NLGN4Y: variants seen among roughly 807,000 people sequenced by gnomAD.
NLGN4Y encodes neuroligin-4, Y-linked.
A neutral mutation model predicts 8.4 loss-of-function variants in NLGN4Y; 4 were observed. The observed-to-expected ratio is 0.48, with a 90% CI of 0.23 to 1.09. The LOEUF is 1.09. Among genes scored for constraint, NLGN4Y ranks in the 50% least tolerant of loss-of-function variants. The probability of loss-of-function intolerance (pLI) is 0.19; values close to 1 mark genes in which losing one functional copy is unlikely to be tolerated. For synonymous variants in NLGN4Y, 35 were observed against 75.6 expected (o/e 0.46, Z 2.78); for missense variants, 90 against 192.3 (o/e 0.47, Z 3.15).
intron 1 of NLGN4Y, among the ~76,000 whole-genome samples, chrY:14,574,850 G>T: frequency 3.0e-5 from 1 of 32,992 alleles, no homozygotes; most frequent in African/African-American, 1.2e-4. Flanking sequence ...CACTTGTGAA[G>T]CTTAGTTTGG....
intron 2 of NLGN4Y, among the ~76,000 whole-genome samples, chrY:14,691,194 A>G (rs776903781): frequency 3.0e-5 from 1 of 33,417 alleles, no homozygotes; most frequent in African/African-American, 1.2e-4. Flanking sequence ...TTCCCCAAGT[A>G]CTCAGTAGTC....
chrY:14,650,293 G>A (rs2080625453), intron 2 of NLGN4Y, among the ~76,000 whole-genome samples: 1 of 32,859 alleles, frequency 3.0e-5, no homozygotes, highest in African/African-American at 1.2e-4. Flanking sequence ...ACACCAGCCT[G>A]GGCAGTATAG....
At chrY:14,835,977 G>C (rs2043197043) in intron 6 of NLGN4Y, among the ~76,000 whole-genome samples, 38 of 33,487 alleles carry the variant, frequency 1.1e-3, no homozygotes, top group Admixed American at 0.01. Flanking sequence ...GTAGAAATGA[G>C]AAGAAAGTTG....
chrY:14,650,833 G>A (rs2080627429), intron 2 of NLGN4Y, among the ~76,000 whole-genome samples: 1 of 32,331 alleles, frequency 3.1e-5, no homozygotes, highest in African/African-American at 1.2e-4. Context: ...TACCCACTGA[G>A]GTTGAACTGG....
At chrY:14,777,208 A>G (rs919382166) in intron 4 of NLGN4Y, among the ~76,000 whole-genome samples, 2 of 34,034 alleles carry the variant, frequency 5.9e-5, no homozygotes, top group East Asian at 1.5e-3. Flanking sequence ...TGAAATTCTC[A>G]TTGGTGATAG....
chrY:14,576,145 G>A, intron 1 of NLGN4Y, among the ~76,000 whole-genome samples: 1 of 34,045 alleles, frequency 2.9e-5, no homozygotes, highest in Non-Finnish European at 7.3e-5. Context: ...AGTCTGCAGA[G>A]TTTTGTGCTG....
intron 1 of NLGN4Y, among the ~76,000 whole-genome samples, chrY:14,612,417 T>A: frequency 2.9e-5 from 1 of 34,187 alleles, no homozygotes; most frequent in South Asian, 6.5e-4. Context: ...TTATTTTTCA[T>A]CTTCATGAAT....
intron 1 of NLGN4Y, among the ~76,000 whole-genome samples, chrY:14,560,755 A>G (rs2080224424): frequency 3.0e-5 from 1 of 33,663 alleles, no homozygotes; most frequent in Non-Finnish European, 7.4e-5. Flanking sequence ...TTGTCCTGTT[A>G]TCCCTTGACT....
At chrY:14,600,090 CT>C (rs2080421676) in intron 1 of NLGN4Y, among the ~76,000 whole-genome samples, 2 of 32,217 alleles carry the variant, frequency 6.2e-5, no homozygotes, top group Non-Finnish European at 1.5e-4. Flanking sequence ...TTCTCTCTCT[CT>C]TTCCCCCCTC....
intron 1 of NLGN4Y, among the ~76,000 whole-genome samples, chrY:14,605,857 G>T: frequency 5.9e-5 from 2 of 33,691 alleles, no homozygotes; most frequent in Admixed American, 2.8e-4. Flanking sequence ...TACAGGACAA[G>T]AAATAAAGAG....
chrY:14,678,646 C>T, intron 2 of NLGN4Y, among the ~76,000 whole-genome samples: 5 of 32,716 alleles, frequency 1.5e-4, no homozygotes, highest in African/African-American at 3.6e-4. Flanking sequence ...TTCTTGCCCA[C>T]GACCCTTTCC....
At chrY:14,823,305 C>G (rs2043129968) in intron 4 of NLGN4Y, among the ~76,000 whole-genome samples, 1 of 33,628 alleles carries the variant, frequency 3.0e-5, no homozygotes, top group Non-Finnish European at 7.3e-5. Context: ...CAAGCCCCTC[C>G]CTTATGTGAC....
At chrY:14,673,076 T>A in intron 2 of NLGN4Y, among the ~76,000 whole-genome samples, 1 of 27,097 alleles carries the variant, frequency 3.7e-5, no homozygotes, top group Non-Finnish European at 8.4e-5. Flanking sequence ...ATAAAAACCC[T>A]AGAAGAAAAC....
At chrY:14,746,109 GC>G (rs2081023377) in intron 4 of NLGN4Y, among the ~76,000 whole-genome samples, 2 of 33,119 alleles carry the variant, frequency 6.0e-5, no homozygotes, top group Non-Finnish European at 1.5e-4. Context: ...TTCTTGTGTG[GC>G]TGGTAATGGA....
At chrY:14,580,237 C>CA (rs2080312525) in intron 1 of NLGN4Y, among the ~76,000 whole-genome samples, 1 of 1,440 alleles carries the variant, frequency 6.9e-4, no homozygotes, top group Non-Finnish European at 1.4e-3. Flanking sequence ...GAAAAAAAAC[C>CA]AAAAAAAAAA....
At chrY:14,654,304 T>G (rs992343314) in intron 2 of NLGN4Y, among the ~76,000 whole-genome samples, 7 of 33,318 alleles carry the variant, frequency 2.1e-4, no homozygotes, top group Admixed American at 2.8e-4. Context: ...TACATATTTC[T>G]TACATTTAAA....
intron 4 of NLGN4Y, among the ~76,000 whole-genome samples, chrY:14,776,364 G>C: frequency 3.4e-5 from 1 of 29,322 alleles, no homozygotes; most frequent in Non-Finnish European, 8.0e-5. Context: ...TAACATATTT[G>C]TTTTATATTT....
At chrY:14,639,246 A>C in intron 2 of NLGN4Y, 1 of 188,761 alleles carries the variant, frequency 5.3e-6, no homozygotes, top group Non-Finnish European at 9.7e-6. Context: ...GGTGTTTGGC[A>C]ATCAACTCAT....
rs1489662184 is a variant in NLGN4Y at position 14,843,102 on chromosome Y, T to A, written c.*1840T>A. On this transcript the variant is annotated 3_prime_UTR_variant, in exon 7 of 7. Coordinates refer to ENST00000684976, the MANE Select transcript of NLGN4Y (RefSeq NM_001365588.1). Reference sequence around the variant, plus strand: ...TACCTGACTCTTTTGCAATAACAACTTTGATTACTGAATCCATACACTCAA... The same window carrying A: ...TACCTGACTCTTTTGCAATAACAACATTGATTACTGAATCCATACACTCAA... 8.2e-6 allele frequency: 1 copy of A among 121,788 alleles called. No homozygotes were observed. Among genetic ancestry groups the A allele is most frequent in the Non-Finnish European group, 1.8e-5 (1 of 56,187 alleles). 30.4% of individuals were successfully genotyped at this position (121,788 alleles called of 400,897 possible).
Sources: allele counts gnomAD v4.1 joint callset (sites outside exome capture counted in the v4.1 genomes callset), GRCh38; gene constraint gnomAD v4.1.1; transcripts MANE v1.5; gene names NCBI Gene and HGNC (gene_info 2026-07-23, HGNC 2026-07-21).